Variants in CNTN5 observed in about 807,000 individuals in gnomAD.
CNTN5 encodes the protein contactin 5, also known as contactin-5.
A neutral mutation model predicts 129.1 loss-of-function variants in CNTN5; 77 were observed. That is an observed-to-expected ratio of 0.60 (90% CI 0.50 to 0.72). The LOEUF (loss-of-function observed/expected upper bound fraction) is 0.72. CNTN5 is among the 30% of genes least tolerant of loss of function. The probability of loss-of-function intolerance (pLI) is 0.00; values close to 1 mark genes in which losing one functional copy is unlikely to be tolerated. For missense variants in CNTN5, 1,478 were observed against 1,328.8 expected (o/e 1.11, Z -1.75); for synonymous variants, 509 against 465.6 (o/e 1.09, Z -1.20).
At chr11:99,527,538 A>G (rs1591221445) in intron 2 of CNTN5, among the ~76,000 whole-genome samples, 1 of 152,266 alleles carries the variant, frequency 6.6e-6, no homozygotes, top group South Asian at 2.1e-4. Flanking sequence ...CAGTATGAAT[A>G]TGGAAGAAAA....
intron 13 of CNTN5, among the ~76,000 whole-genome samples, chr11:100,097,186 G>A (rs1311757532): frequency 2.0e-5 from 3 of 152,040 alleles, no homozygotes; most frequent in Non-Finnish European, 4.4e-5. Context: ...AATTCCTTTA[G>A]TGCCTAATAT....
In CNTN5 at chr11:99,608,038, C is replaced by A. The variant is rs1440730391; in HGVS notation, c.55+51769C>A. Reference sequence around the variant, plus strand: ...GTGGGTGCAGCGCACCAGCATGGCACATGTATACATATGTAACTAACCTGC... The same window carrying A: ...GTGGGTGCAGCGCACCAGCATGGCAAATGTATACATATGTAACTAACCTGC... On this transcript the variant is annotated intron_variant, in intron 3 of 24. Transcript: ENST00000524871. Among the ~76,000 whole-genome samples, 10 of 142,286 alleles carry A rather than the reference C, an allele frequency of 7.0e-5. No homozygotes were observed. In the Admixed American group the frequency reaches 7.1e-4, roughly 10 times the overall value. 93.3% of individuals were successfully genotyped at this position (142,286 alleles called of 152,430 possible).
At chr11:99,201,022 CTTTTTTTTTTTT>C (rs755605041) in intron 1 of CNTN5, among the ~76,000 whole-genome samples, 4 of 83,172 alleles carry the variant, frequency 4.8e-5, no homozygotes, top group African/African-American at 1.4e-4. Context: ...TCCTTCCTTC[CTTTTTTTTTTTT>C]TTTTTTTTTT....
At chr11:99,800,713 GT>G (rs1249952912) in intron 3 of CNTN5, among the ~76,000 whole-genome samples, 1 of 151,954 alleles carries the variant, frequency 6.6e-6, no homozygotes, top group Non-Finnish European at 1.5e-5. Flanking sequence ...ACTGCTGTTG[GT>G]TTAAAGTATG....
intron 4 of CNTN5, among the ~76,000 whole-genome samples, chr11:99,830,690 T>G (rs996357708): frequency 6.6e-6 from 1 of 152,196 alleles, no homozygotes; most frequent in Non-Finnish European, 1.5e-5. Context: ...ATAATAACTT[T>G]ACAGTCTTAT....
intron 3 of CNTN5, among the ~76,000 whole-genome samples, chr11:99,599,300 T>G (rs1169024529): frequency 6.6e-6 from 1 of 152,102 alleles, no homozygotes; most frequent in Non-Finnish European, 1.5e-5. Flanking sequence ...CCACCTTTCA[T>G]AGGTTGCTTA....
Position 99,523,693 on chromosome 11 carries a change from A to G in CNTN5, c.-70-32452A>G, listed in dbSNP as rs1170384511. Among the ~76,000 whole-genome samples, 5 of 61,588 alleles carry G rather than the reference A, an allele frequency of 8.1e-5. 1 individual carries two copies. The highest frequency in any genetic ancestry group is 3.4e-4 in the African/African-American group (5 of 14,512). The allele number at this position is 61,588 out of a possible 152,430, so 40.4% of individuals were successfully genotyped here. Reference sequence around the variant, plus strand: ...ACAGAACAGAACAGAACAGAACAGAACAGAATAGAACAGAATAGAATAGAA... The same window carrying G: ...ACAGAACAGAACAGAACAGAACAGAGCAGAATAGAACAGAATAGAATAGAA... On this transcript the variant is annotated intron_variant, in intron 2 of 24. Transcript: ENST00000524871.
intron 8 of CNTN5, among the ~76,000 whole-genome samples, chr11:99,963,332 T>C (rs186062486): frequency 3.3e-5 from 5 of 152,344 alleles, no homozygotes; most frequent in Non-Finnish European, 5.9e-5. Context: ...AATTATTTTT[T>C]GTATAAGGTG....
In CNTN5 at chr11:99,968,035, C is replaced by A. The variant is rs530749608; in HGVS notation, c.877+11026C>A. 5.3e-5 allele frequency among the ~76,000 whole-genome samples: 8 copies of A among 152,164 alleles called. No individual in the cohort carries two copies. The South Asian group carries it at 1.5e-3, about 28-fold the overall frequency. On this transcript the variant is annotated intron_variant, in intron 8 of 24. Transcript: ENST00000524871. Reference sequence around the variant, plus strand: ...TGCTATATTAATATCCTGTATTAAGCAAAGATATAGCAAAGCTGTACACAT... The same window carrying A: ...TGCTATATTAATATCCTGTATTAAGAAAAGATATAGCAAAGCTGTACACAT...
In CNTN5 at chr11:99,970,598, A is replaced by G. The variant is rs1026246254; in HGVS notation, c.877+13589A>G. On this transcript the variant is annotated intron_variant, in intron 8 of 24. Coordinates refer to ENST00000524871, the MANE Select transcript of CNTN5 (RefSeq NM_014361.4). ...TTAGAAAAGTGCCTGTTATTTAACAAACTTTAGTAAAGGTTAGCTATTAAC... is the reference window on the plus strand; with the variant it reads ...TTAGAAAAGTGCCTGTTATTTAACAGACTTTAGTAAAGGTTAGCTATTAAC... Among the ~76,000 whole-genome samples the G allele has an allele frequency of 1.9e-4, 29 of 152,228 alleles. 1 individual carries two copies. The highest frequency in any genetic ancestry group is 6.8e-4 in the African/African-American group (28 of 41,470).
rs146238982 is a variant in CNTN5, at chr11:99,499,570, C to T, written c.-70-56575C>T. On this transcript the variant is annotated intron_variant, in intron 2 of 24. Transcript: ENST00000524871. ...CTGTTCTTTATAAATTACCCAGTCTCAGGTATCTGTATCCTGTTATAGCAG... is the reference window on the plus strand; with the variant it reads ...CTGTTCTTTATAAATTACCCAGTCTTAGGTATCTGTATCCTGTTATAGCAG... Among the ~76,000 whole-genome samples the T allele has an allele frequency of 3.5e-4, 54 of 152,264 alleles. 2 individuals carry two copies. The highest frequency in any genetic ancestry group is 1.2e-3 in the African/African-American group (49 of 41,566).
chr11:99,025,517 T>C lies in CNTN5; in HGVS notation c.-210+4247T>C, dbSNP rs114389317. ...TTCCATTACTATCCAGTAGTAAACG[T>C]AGCATATGTTTAGGAAGAGAAATGT... On this transcript the variant is annotated intron_variant, in intron 1 of 24. Transcript: ENST00000524871. Among the ~76,000 whole-genome samples, 989 of 151,884 alleles carry C rather than the reference T, an allele frequency of 6.5e-3. 5 individuals are homozygous for C. The highest frequency in any genetic ancestry group is 0.023 in the African/African-American group (941 of 41,550).
In CNTN5 at chr11:100,303,560, T is replaced by G. The variant is rs1012238102; in HGVS notation, c.2620+4164T>G. Among the ~76,000 whole-genome samples, 7 of 39,286 alleles carry G rather than the reference T, an allele frequency of 1.8e-4. No homozygotes were observed. The Admixed American group carries it at 2.4e-3, about 13-fold the overall frequency. 25.8% of individuals were successfully genotyped at this position (39,286 alleles called of 152,430 possible). ...ATAGGTTGAAAGATTTATTTACTTG[T>G]GATGCGCTTTATCCTTTATCCTTTA... On this transcript the variant is annotated intron_variant, in intron 20 of 24. Transcript: ENST00000524871.
intron 2 of CNTN5, among the ~76,000 whole-genome samples, chr11:99,335,807 G>C (rs1259665204): frequency 6.6e-6 from 1 of 152,120 alleles, no homozygotes; most frequent in Non-Finnish European, 1.5e-5. Flanking sequence ...CGTGGTGCTA[G>C]AGAAAATCTT....
intron 1 of CNTN5, among the ~76,000 whole-genome samples, chr11:99,142,826 C>G (rs1940502): frequency 0.91 from 138,282 of 152,130 alleles, 63,104 homozygotes; most frequent in East Asian, 0.99. Context: ...GTTCGTGGGA[C>G]TCGTAGGGCT....
At chr11:99,873,297 G>C (rs1948550467) in intron 6 of CNTN5, among the ~76,000 whole-genome samples, 1 of 151,470 alleles carries the variant, frequency 6.6e-6, no homozygotes, top group Admixed American at 6.6e-5. Context: ...TTTTTAAATG[G>C]CAGAAAATAT....
chr11:99,821,494 C>T (rs1338184388), intron 4 of CNTN5, among the ~76,000 whole-genome samples: 1 of 152,008 alleles, frequency 6.6e-6, no homozygotes, highest in African/African-American at 2.4e-5. Context: ...TCAGTAAAAG[C>T]ACAACTCTCT....
chr11:100,250,396 T>G (rs1042817551), intron 16 of CNTN5, among the ~76,000 whole-genome samples: 1 of 152,140 alleles, frequency 6.6e-6, no homozygotes, highest in African/African-American at 2.4e-5. Flanking sequence ...TTTTTTTCCC[T>G]TTCTTCATCT....
At chr11:99,412,177 C>A (rs192952684) in intron 2 of CNTN5, among the ~76,000 whole-genome samples, 7 of 152,052 alleles carry the variant, frequency 4.6e-5, no homozygotes, top group Admixed American at 4.6e-4. Flanking sequence ...CTTAAGAAGG[C>A]AAATGACAAA....
Sources: gnomAD v4.1 joint callset for allele counts (sites outside exome capture counted in the v4.1 genomes callset) on GRCh38, gnomAD v4.1.1 for gene constraint, MANE v1.5 for transcripts, NCBI Gene and HGNC (gene_info 2026-07-23, HGNC 2026-07-21) for gene names.